Variants in BAIAP3 observed in about 807,000 individuals in gnomAD.
BAIAP3 encodes BAI1 associated protein 3, also known as BAI1-associated protein 3.
A neutral mutation model predicts 149.7 loss-of-function variants in BAIAP3; 180 were observed. The ratio of observed to expected loss-of-function variants is 1.20; its 90% CI spans 1.07 to 1.36. The LOEUF (loss-of-function observed/expected upper bound fraction) is 1.36. Among genes scored for constraint, BAIAP3 ranks in the 40% most tolerant of loss-of-function variants. BAIAP3 has a pLI of 0.00. For missense variants in BAIAP3, 1,767 were observed against 1,563.4 expected, an observed-to-expected ratio of 1.13 and a Z score of -2.20; for synonymous variants, 845 against 670.7, an observed-to-expected ratio of 1.26 and a Z score of -4.02.
At position 1,345,856 on chromosome 16, in the gene BAIAP3, C is replaced by A; in HGVS notation, c.2174C>A (p.Ala725Asp). The stretch of plus-strand genomic sequence containing the variant: ...GTGCGCCTGGCGTGGCCTGACCCTG[C>A]CCAGGCTCAGGGGCTGGGCACCCAG... The part of the protein sequence containing the change: ...LWVRLAWPDP[A>D]QAQGLGTQLG... Residue 725 changes from alanine to aspartate, a missense_variant, in exon 23 of 34, where the codon GCC becomes GAC. Physicochemically the swap from Ala to Asp is moderately radical, Grantham distance 126. Transcript: ENST00000426824. 6.3e-7 allele frequency: 1 copy of A among 1,580,054 alleles called. No individual in the cohort carries two copies. The highest frequency in any genetic ancestry group is 8.6e-7 in the Non-Finnish European group (1 of 1,164,662).
chr16:1,338,809 G>C, intron 2 of BAIAP3, 93 bp from the exon 3 acceptor site: 1 of 1,587,342 alleles, frequency 6.3e-7, no homozygotes, highest in Non-Finnish European at 8.6e-7. Flanking sequence ...CCACACTGTG[G>C]ATGTCACATG....
rs138220444 is a variant in BAIAP3 at position 1,345,044 on chromosome 16, G to C, written c.1885G>C (p.Glu629Gln). The change falls in exon 21 of 34, where the codon GAG (glutamate) becomes CAG (glutamine). Residue 629 changes from glutamate to glutamine, a missense_variant. Coordinates refer to ENST00000426824, the MANE Select transcript of BAIAP3 (RefSeq NM_001199097.2). ...MTLEVASGLF[E>Q]LYLTLADLQR... The stretch of plus-strand genomic sequence containing the variant: ...CCTGGAGGTGGCCTCGGGGCTCTTT[G>C]AGCTCTACCTGACCCTGGCTGACCT... 2.2e-5 allele frequency: 36 copies of C among 1,612,366 alleles called. No individual in the cohort carries two copies. Among genetic ancestry groups the C allele is most frequent in the Non-Finnish European group, 3.0e-5 (35 of 1,180,022 alleles).
chr16:1,334,646 C>G, intron 1 of BAIAP3: 1 of 1,545,090 alleles, frequency 6.5e-7, no homozygotes, highest in Non-Finnish European at 8.7e-7. Flanking sequence ...ATGCAGATTC[C>G]CGGGGTTCGA....
In BAIAP3 at chr16:1,338,580, G is replaced by A. The variant is rs148120801; in HGVS notation, c.31G>A (p.Val11Met). 6.1e-5 allele frequency: 98 copies of A among 1,610,124 alleles called. No individual in the cohort carries two copies. The highest frequency in any genetic ancestry group is 2.7e-4 in the African/African-American group (20 of 74,948). The change falls in exon 2 of 34, where the codon GTG becomes ATG. Residue 11 changes from valine (V) to methionine (M), a missense_variant. Transcript: ENST00000426824. The stretch of plus-strand genomic sequence containing the variant: ...GACCTTGCTGGACATTAAGAGCAGC[G>A]TGCTCAGGCAGGTGCAGGTGTGCCC... MSTLLDIKSS[V>M]LRQVQVCPSF... is the part of the protein sequence containing the mutation.
At chr16:1,334,077 G>C (rs942743494) in intron 1 of BAIAP3, among the ~76,000 whole-genome samples, 3 of 151,902 alleles carry the variant, frequency 2.0e-5, no homozygotes, top group African/African-American at 4.8e-5. Flanking sequence ...CACTTGAGCC[G>C]CCAAGCGAGG....
Position 1,342,511 on chromosome 16 carries a change from C to A in BAIAP3, c.958-16C>A. 6.5e-7 allele frequency: 1 copy of A among 1,549,374 alleles called. No homozygotes were observed. The highest frequency in any genetic ancestry group is 8.7e-7 in the Non-Finnish European group (1 of 1,146,374). ...GGGGAGGAGTCTGGTGGGCCTGACC[C>A]CCATGCTACCCCCAGGAGGTGCCTG... On this transcript the variant is annotated splice_polypyrimidine_tract_variant and intron_variant, in intron 11 of 33. Coordinates refer to ENST00000426824, the MANE Select transcript of BAIAP3 (RefSeq NM_001199097.2).
chr16:1,334,496 C>G (rs2033332772), intron 1 of BAIAP3: 1 of 630,838 alleles, frequency 1.6e-6, no homozygotes, highest in Non-Finnish European at 2.8e-6. Flanking sequence ...GAGGAGGGAG[C>G]GCTGCGCAGA....
Position 1,349,323 on chromosome 16 carries a change from C to T in BAIAP3, c.*841C>T, listed in dbSNP as rs2034594085. 2 of 1,182,724 alleles carry T rather than the reference C, an allele frequency of 1.7e-6. No individual in the cohort carries two copies. Among genetic ancestry groups the T allele is most frequent in the Non-Finnish European group, 1.3e-6 (1 of 792,076 alleles). 73.3% of individuals were successfully genotyped at this position (1,182,724 alleles called of 1,614,324 possible). ...GCTGGAAGTGTGGGGAGAACCCGGA[C>T]AGCTCAGTCCTGCCAGCAGCCGCAA... On this transcript the variant is annotated 3_prime_UTR_variant, in exon 34 of 34. Coordinates refer to ENST00000426824, the MANE Select transcript of BAIAP3 (RefSeq NM_001199097.2).
At chr16:1,342,324 G>T in intron 11 of BAIAP3, 41 bp downstream of exon 11, 1 of 1,588,078 alleles carries the variant, frequency 6.3e-7, no homozygotes, top group South Asian at 1.1e-5. Flanking sequence ...CTTAGAGAAG[G>T]GCCTGGGGAG....
Position 1,343,475 on chromosome 16 carries a change from G to A in BAIAP3, c.1348G>A (p.Ala450Thr), listed in dbSNP as rs772607680. 1 of 1,603,462 alleles carries A rather than the reference G, an allele frequency of 6.2e-7. No homozygotes were observed. The highest frequency in any genetic ancestry group is 8.5e-7 in the Non-Finnish European group (1 of 1,176,510). Reference protein sequence around the residue: ...YLLGLLEDMQAHWEEAPSLPQ... With the variant: ...YLLGLLEDMQTHWEEAPSLPQ... ...GCTGGGGCTGCTGGAGGACATGCAG[G>A]CACACTGGGAAGAGGCTCCTTCACT... The change falls in exon 15 of 34, where the codon GCA (alanine) becomes ACA (threonine). Residue 450 changes from alanine to threonine, a missense_variant. Physicochemically the swap from Ala to Thr is moderately conservative, Grantham distance 58. Transcript: ENST00000426824.
chr16:1,341,193 ACGGTGAGTGGGGACCCAGCAGACCT>A lies in BAIAP3; in HGVS notation c.535+2_535+26del. 1 of 1,612,462 alleles carries A rather than the reference ACGGTGAGTGGGGACCCAGCAGACCT, an allele frequency of 6.2e-7. No individual in the cohort carries two copies. The highest frequency in any genetic ancestry group is 8.5e-7 in the Non-Finnish European group (1 of 1,179,752). ...AAGAACCTTCTGGCCAAGGACCCCA[ACGGTGAGTGGGGACCCAGCAGACCT>A]CGGCTGCGCCGAGGCCTGGCGGCCA... On this transcript the variant is annotated splice_donor_variant and splice_donor_5th_base_variant and coding_sequence_variant and intron_variant, in exon 7 of 34. Coordinates refer to ENST00000426824, the MANE Select transcript of BAIAP3 (RefSeq NM_001199097.2). LOFTEE classifies it high-confidence loss of function.
At chr16:1,336,144 C>G (rs2033438411) in intron 1 of BAIAP3, 1 of 932,316 alleles carries the variant, frequency 1.1e-6, no homozygotes. Context: ...GCCCCTGTCA[C>G]ACGCACATGC....
chr16:1,341,773 G>C, intron 8 of BAIAP3, 49 bp from the exon 9 acceptor site: 1 of 1,593,738 alleles, frequency 6.3e-7, no homozygotes, highest in South Asian at 1.1e-5. Flanking sequence ...CCCCGGCCTG[G>C]GCAGAGCCTC....
intron 20 of BAIAP3, 43 bp from the exon 21 acceptor site, chr16:1,344,926 G>A (rs747429647): frequency 1.9e-6 from 3 of 1,613,440 alleles, no homozygotes; most frequent in Non-Finnish European, 2.5e-6. Context: ...GACGGTCCTG[G>A]GATTCCTTGC....
rs781745573 is a variant in BAIAP3, at chr16:1,338,696, C to T, written c.131+16C>T. 1.3e-6 allele frequency: 2 copies of T among 1,568,744 alleles called. No homozygotes were observed. The highest frequency in any genetic ancestry group is 1.7e-6 in the Non-Finnish European group (2 of 1,159,164). On this transcript the variant is annotated intron_variant, in intron 2 of 33. Transcript: ENST00000426824. Reference sequence around the variant, plus strand: ...CGGGGGCCTGGTGGGTGCCGAGGGGCCCAGCCCCACACGCCCACAGGGCCA... The same window carrying T: ...CGGGGGCCTGGTGGGTGCCGAGGGGTCCAGCCCCACACGCCCACAGGGCCA...
chr16:1,340,222 A>C (rs1567161222), intron 5 of BAIAP3, among the ~76,000 whole-genome samples: 2 of 131,080 alleles, frequency 1.5e-5, no homozygotes, highest in African/African-American at 3.0e-5. Flanking sequence ...GCACACAGAC[A>C]CACACACAGG....
In BAIAP3 at chr16:1,349,357, G is replaced by A; in HGVS notation, c.*875G>A. On this transcript the variant is annotated 3_prime_UTR_variant, in exon 34 of 34. Coordinates refer to ENST00000426824, the MANE Select transcript of BAIAP3 (RefSeq NM_001199097.2). Reference sequence around the variant, plus strand: ...CCTGCCAGCAGCCGCAAAGAGCCGAGGCTGCCAGGCCCATTTATGTCCCTC... The same window carrying A: ...CCTGCCAGCAGCCGCAAAGAGCCGAAGCTGCCAGGCCCATTTATGTCCCTC... 6.5e-7 allele frequency: 1 copy of A among 1,532,224 alleles called. No homozygotes were observed. 94.9% of individuals were successfully genotyped at this position (1,532,224 alleles called of 1,614,324 possible). A position where few individuals can be genotyped will look rare whatever the true frequency, so the allele number is the denominator to read the frequency against.
Position 1,344,615 on chromosome 16 carries a change from C to A in BAIAP3, c.1674C>A (p.Arg558=). Residue 558 remains arginine, a synonymous_variant, in exon 19 of 34, where the codon CGC becomes CGA. Transcript: ENST00000426824. The stretch of plus-strand genomic sequence containing the variant: ...CTTCCTTGCAGCCAGGACCACAGCG[C>A]CTGCCTGGGCTGGTTGTGCTGGCTG... The part of the protein sequence containing the change: ...KSPREQPGPQ[R]LPGLVVLADA... 3 of 1,613,216 alleles carry A rather than the reference C, an allele frequency of 1.9e-6. No individual in the cohort carries two copies. The highest frequency in any genetic ancestry group is 1.1e-5 in the South Asian group (1 of 91,074).
rs2034061827 is a variant in BAIAP3 at position 1,343,307 on chromosome 16, G to A, written c.1266-86G>A. On this transcript the variant is annotated intron_variant, in intron 14 of 33. Transcript: ENST00000426824. ...GCGGCAGTGCTGATTGGGTGGGGCA[G>A]AGAAAGGGGTAGTGCTGTAGGCGGT... The A allele has an allele frequency of 2.0e-6, 3 of 1,512,160 alleles. No individual in the cohort carries two copies. The Admixed American group carries it at 6.1e-5, about 31-fold the overall frequency. 93.7% of individuals were successfully genotyped at this position (1,512,160 alleles called of 1,614,324 possible).
Sources: gnomAD v4.1 joint callset for allele counts (sites outside exome capture counted in the v4.1 genomes callset) on GRCh38, gnomAD v4.1.1 for gene constraint, MANE v1.5 for transcripts, NCBI Gene and HGNC (gene_info 2026-07-23, HGNC 2026-07-21) for gene names.